Variants in BABAM2 observed in about 807,000 individuals in gnomAD.
The protein encoded by BABAM2 is BRISC and BRCA1-A complex member 2.
Under a neutral mutation model 54.7 loss-of-function variants are expected in BABAM2, and 31 were observed. That is an observed-to-expected ratio of 0.57 (90% CI 0.43 to 0.77). The LOEUF (loss-of-function observed/expected upper bound fraction) is 0.77. Ranked by LOEUF, BABAM2 falls within the 30% of genes least tolerant of loss-of-function variation. BABAM2 has a pLI of 0.00. For missense variants in BABAM2, 364 were observed against 455.8 expected (o/e 0.80, Z 1.83); for synonymous variants, 167 against 162.9 (o/e 1.03, Z -0.19).
At chr2:28,160,299 A>G (rs895461065) in intron 7 of BABAM2, among the ~76,000 whole-genome samples, 4 of 152,176 alleles carry the variant, frequency 2.6e-5, no homozygotes, top group African/African-American at 9.7e-5. Context: ...TTTTTAGTAT[A>G]TTCTTTTTAG....
intron 6 of BABAM2, among the ~76,000 whole-genome samples, chr2:28,051,878 G>T (rs947886182): frequency 6.6e-6 from 1 of 151,988 alleles, no homozygotes; most frequent in African/African-American, 2.4e-5. Flanking sequence ...TTGAACTTCT[G>T]ACCTCAGGTG....
intron 10 of BABAM2, among the ~76,000 whole-genome samples, chr2:28,270,546 A>G (rs1685336391): frequency 1.3e-5 from 2 of 152,218 alleles, no homozygotes; most frequent in Admixed American, 1.3e-4. Context: ...GGAGAGAGTT[A>G]TGGCTGCTGC....
intron 10 of BABAM2, among the ~76,000 whole-genome samples, chr2:28,261,278 T>C (rs1014652350): frequency 7.9e-5 from 12 of 151,968 alleles, no homozygotes; most frequent in Admixed American, 2.6e-4. Flanking sequence ...ATTGTTAATA[T>C]ATAGAAATAT....
At chr2:27,889,650 G>T (rs1036591141), upstream of BABAM2, among the ~76,000 whole-genome samples, 2 of 152,140 alleles carry the variant, frequency 1.3e-5, no homozygotes, top group Non-Finnish European at 2.9e-5. Context: ...TGTAAATACT[G>T]TGTTTATGTT....
intron 2 of BABAM2, among the ~76,000 whole-genome samples, chr2:27,928,438 C>T (rs1158353797): frequency 7.0e-6 from 1 of 142,170 alleles, no homozygotes; most frequent in African/African-American, 2.6e-5. Flanking sequence ...GTGTGAGCCA[C>T]TGCGCCTGGC....
At chr2:28,315,786 C>A (rs1689505656) in intron 11 of BABAM2, among the ~76,000 whole-genome samples, 1 of 152,064 alleles carries the variant, frequency 6.6e-6, no homozygotes, top group South Asian at 2.1e-4. Flanking sequence ...AGCCGCCTCA[C>A]CCAGCCAGGT....
chr2:28,130,156 A>G (rs1432451781), intron 7 of BABAM2, among the ~76,000 whole-genome samples: 1 of 152,156 alleles, frequency 6.6e-6, no homozygotes, highest in African/African-American at 2.4e-5. Flanking sequence ...ATTGAAATGT[A>G]TTATTAAAAT....
chr2:28,288,329 CTTTTTTTT>C (rs370784439), intron 10 of BABAM2, among the ~76,000 whole-genome samples: 1 of 134,238 alleles, frequency 7.4e-6, no homozygotes, highest in Admixed American at 7.5e-5. Flanking sequence ...CTTTTCTTTT[CTTTTTTTT>C]TTTTTTTTGA....
intron 10 of BABAM2, among the ~76,000 whole-genome samples, chr2:28,253,274 C>A (rs868135487): frequency 6.6e-6 from 1 of 151,708 alleles, no homozygotes; most frequent in Non-Finnish European, 1.5e-5. Context: ...TGGTGGCATG[C>A]GCCTGTAATC....
chr2:27,919,489 A>G (rs1667205204), intron 2 of BABAM2, among the ~76,000 whole-genome samples: 1 of 152,198 alleles, frequency 6.6e-6, no homozygotes, highest in African/African-American at 2.4e-5. Flanking sequence ...AGTTTTTTGT[A>G]GATAGCTTTG....
intron 3 of BABAM2, among the ~76,000 whole-genome samples, chr2:27,939,396 C>T (rs13400527): frequency 0.012 from 1,865 of 152,250 alleles, 39 homozygotes; most frequent in African/African-American, 0.042. Flanking sequence ...TAGTCTCTAG[C>T]ACAGTAAAGA....
intron 7 of BABAM2, among the ~76,000 whole-genome samples, chr2:28,201,640 A>G (rs935095895): frequency 1.3e-5 from 2 of 152,160 alleles, no homozygotes; most frequent in African/African-American, 4.8e-5. Flanking sequence ...TTTAATATAA[A>G]GGAAAGAAAA....
At chr2:28,229,981 G>A (rs1681224348) in intron 7 of BABAM2, among the ~76,000 whole-genome samples, 1 of 152,162 alleles carries the variant, frequency 6.6e-6, no homozygotes, top group South Asian at 2.1e-4. Context: ...AAGGAGGAAT[G>A]TTTTCTGAGT....
At chr2:27,971,192 T>C (rs962241944) in intron 3 of BABAM2, among the ~76,000 whole-genome samples, 2 of 152,160 alleles carry the variant, frequency 1.3e-5, no homozygotes, top group Non-Finnish European at 2.9e-5. Context: ...CCAGTGTTTT[T>C]AGTATCTTGA....
rs1369690128 is a variant in BABAM2, at chr2:28,305,879, T to C, written c.1088+7388T>C. Among the ~76,000 whole-genome samples, 3 of 152,154 alleles carry C rather than the reference T, an allele frequency of 2.0e-5. No individual in the cohort carries two copies. In the East Asian group the frequency reaches 5.8e-4, roughly 29 times the overall value. The stretch of plus-strand genomic sequence containing the variant: ...TTTTTCTTTTTTAATATAAAATTAC[T>C]TTCTACAGATTGCTTAAGCTGCATT... On this transcript the variant is annotated intron_variant, in intron 11 of 11. Coordinates refer to ENST00000379624, the MANE Select transcript of BABAM2 (RefSeq NM_199191.3).
intron 4 of BABAM2, among the ~76,000 whole-genome samples, chr2:28,021,227 A>C (rs1675238609): frequency 6.6e-6 from 1 of 152,194 alleles, no homozygotes; most frequent in Non-Finnish European, 1.5e-5. Flanking sequence ...CTATCAGGAT[A>C]ATAAGTTGAA....
At chr2:28,308,540 G>A in intron 11 of BABAM2, 2 of 504,310 alleles carry the variant, frequency 4.0e-6, no homozygotes, top group Admixed American at 4.1e-5. Context: ...CCAACACCCT[G>A]ATCAGGCCTG....
At chr2:27,907,701 C>T (rs115743236) in intron 2 of BABAM2, among the ~76,000 whole-genome samples, 82 of 152,302 alleles carry the variant, frequency 5.4e-4, no homozygotes, top group Non-Finnish European at 9.6e-4. Flanking sequence ...CCCCCAGCTA[C>T]TGGCAGCCAC....
At chr2:27,924,872 C>T (rs1667575306) in intron 2 of BABAM2, among the ~76,000 whole-genome samples, 1 of 152,094 alleles carries the variant, frequency 6.6e-6, no homozygotes, top group Non-Finnish European at 1.5e-5. Context: ...ACCTATTTAT[C>T]CTAGATAATA....
Sources: gnomAD v4.1 joint callset for allele counts (sites outside exome capture counted in the v4.1 genomes callset) on GRCh38, gnomAD v4.1.1 for gene constraint, MANE v1.5 for transcripts, NCBI Gene and HGNC (gene_info 2026-07-23, HGNC 2026-07-21) for gene names.